Variants in SP140 observed in about 807,000 individuals in gnomAD.
The protein encoded by SP140 is SP140 nuclear body protein.
Under a neutral mutation model 125.0 loss-of-function variants are expected in SP140, and 81 were observed. That is an observed-to-expected ratio of 0.65 (90% CI 0.54 to 0.78). The LOEUF (loss-of-function observed/expected upper bound fraction) is 0.78, where lower values mean the gene tolerates loss of function less well. SP140 is among the 30% of genes least tolerant of loss of function. SP140 has a pLI of 0.00. For missense variants in SP140, 858 were observed against 1,037.0 expected (o/e 0.83, Z 2.37); for synonymous variants, 312 against 354.0 (o/e 0.88, Z 1.33).
chr2:230,265,531 T>G (rs1669577051), intron 12 of SP140, among the ~76,000 whole-genome samples: 1 of 152,154 alleles, frequency 6.6e-6, no homozygotes, highest in South Asian at 2.1e-4. Flanking sequence ...CTGTGTAGTT[T>G]TACCCCCTGC....
chr2:230,203,174 A>T (rs1327757278), exon 1 of SP140: 4 of 194,444 alleles, frequency 2.1e-5, no homozygotes, highest in Non-Finnish European at 3.2e-5. Flanking sequence ...GCAAGGTATT[A>T]AAAAAACTGA....
chr2:230,285,336 A>G (rs1184046854), intron 16 of SP140, among the ~76,000 whole-genome samples: 1 of 152,190 alleles, frequency 6.6e-6, no homozygotes, highest in Non-Finnish European at 1.5e-5. Context: ...TTAGAGTCCT[A>G]TTGAAAGTTA....
chr2:230,265,549 C>T (rs1319397395), intron 12 of SP140, among the ~76,000 whole-genome samples: 2 of 152,146 alleles, frequency 1.3e-5, no homozygotes, highest in East Asian at 1.9e-4. Flanking sequence ...TGCTCCTCTC[C>T]CATTGGGTCC....
chr2:230,309,677 T>G (rs180714751), intron 22 of SP140, among the ~76,000 whole-genome samples: 61 of 152,372 alleles, frequency 4.0e-4, no homozygotes, highest in African/African-American at 1.3e-3. Context: ...TAGTCTTTCT[T>G]CATTACAATC....
intron 15 of SP140, among the ~76,000 whole-genome samples, chr2:230,273,188 C>T (rs1001121654): frequency 2.0e-5 from 3 of 152,156 alleles, no homozygotes; most frequent in African/African-American, 7.2e-5. Flanking sequence ...TTTTTGCAAA[C>T]TATGCATCTG....
chr2:230,206,615 A>ATATG (rs1354034823), intron 1 of SP140, among the ~76,000 whole-genome samples: 1 of 78,148 alleles, frequency 1.3e-5, no homozygotes, highest in African/African-American at 3.9e-5. Flanking sequence ...ATATATATAT[A>ATATG]TATATATATA....
intron 1 of SP140, chr2:230,212,792 A>G: frequency 6.2e-7 from 1 of 1,614,170 alleles, no homozygotes; most frequent in Non-Finnish European, 8.5e-7. Context: ...GGATGAGTGC[A>G]GGGAGAGGCA....
chr2:230,292,749 T>C lies in SP140; in HGVS notation c.1929T>C (p.Ser643=). Residue 643 remains serine, a synonymous_variant, in exon 20 of 27, where the codon AGT becomes AGC. Coordinates refer to ENST00000392045, the MANE Select transcript of SP140 (RefSeq NM_007237.5). ...CAAGATCAAAGAACTGGAGGCTGAG[T>C]GTGCGCTGTGGCGGGTGGCCCCTAC... is the stretch of plus-strand genomic sequence containing the variant. ...GHARSKNWRL[S]VRCGGWPLRW... is the part of the protein sequence containing the mutation. 1.2e-6 allele frequency: 2 copies of C among 1,614,158 alleles called. No homozygotes were observed. Among genetic ancestry groups the C allele is most frequent in the Non-Finnish European group, 8.5e-7 (1 of 1,180,028 alleles).
At chr2:230,201,111 T>G (rs910525236), upstream of SP140, 17 of 728,228 alleles carry the variant, frequency 2.3e-5, no homozygotes, top group African/African-American at 3.0e-4. Flanking sequence ...ACCAAGAGAT[T>G]TGGTGCTGCT....
chr2:230,204,881 A>G (rs905292862), intron 1 of SP140, among the ~76,000 whole-genome samples: 1 of 152,172 alleles, frequency 6.6e-6, no homozygotes, highest in Admixed American at 6.5e-5. Context: ...GCATCCAAAG[A>G]GAATAGCACA....
intron 23 of SP140, chr2:230,310,460 G>C (rs955315710): frequency 1.5e-6 from 1 of 669,346 alleles, no homozygotes; most frequent in African/African-American, 1.8e-5. Context: ...AGGCCTGACA[G>C]ACAGGGTTCC....
chr2:230,253,193 G>A, intron 10 of SP140, 123 bp from the exon 11 acceptor site: 1 of 698,670 alleles, frequency 1.4e-6, no homozygotes. Context: ...GAAGGAGAAA[G>A]AGGAGATGTA....
chr2:230,233,939 C>T (rs2047616204), intron 1 of SP140, among the ~76,000 whole-genome samples: 1 of 152,164 alleles, frequency 6.6e-6, no homozygotes, highest in African/African-American at 2.4e-5. Context: ...CTTGGTGACA[C>T]CTGAAAGGGT....
At chr2:230,297,090 A>G (rs1227718751) in intron 21 of SP140, among the ~76,000 whole-genome samples, 1 of 152,268 alleles carries the variant, frequency 6.6e-6, no homozygotes, top group Non-Finnish European at 1.5e-5. Context: ...ACTCTGCTGT[A>G]GCAGCCCAGA....
intron 1 of SP140, among the ~76,000 whole-genome samples, chr2:230,203,955 C>G (rs1424743463): frequency 6.6e-6 from 1 of 152,020 alleles, no homozygotes; most frequent in Non-Finnish European, 1.5e-5. Flanking sequence ...ATTTTAATAC[C>G]ATTGAGCTAT....
At chr2:230,307,862 C>T (rs1453246919) in intron 22 of SP140, among the ~76,000 whole-genome samples, 1 of 150,306 alleles carries the variant, frequency 6.7e-6, no homozygotes, top group Non-Finnish European at 1.5e-5. Flanking sequence ...AGGTTTCTGG[C>T]AAGAAAAAGC....
chr2:230,230,637 T>C (rs1574885522), intron 1 of SP140: 1 of 152,298 alleles, frequency 6.6e-6, no homozygotes, highest in East Asian at 1.9e-4. Context: ...AAGGACAGCT[T>C]GTGAGGTTAG....
chr2:230,258,729 T>C (rs868414576), intron 12 of SP140, among the ~76,000 whole-genome samples: 5 of 152,234 alleles, frequency 3.3e-5, no homozygotes, highest in East Asian at 1.9e-4. Flanking sequence ...GGCCGAAGAT[T>C]CATTTGATGA....
At chr2:230,281,287 C>T in intron 15 of SP140, among the ~76,000 whole-genome samples, 1 of 152,208 alleles carries the variant, frequency 6.6e-6, no homozygotes, top group East Asian at 1.9e-4. Flanking sequence ...ATGCATTTCT[C>T]TATCCACTCA....
Sources: allele counts gnomAD v4.1 joint callset (sites outside exome capture counted in the v4.1 genomes callset), GRCh38; gene constraint gnomAD v4.1.1; transcripts MANE v1.5; gene names NCBI Gene and HGNC (gene_info 2026-07-23, HGNC 2026-07-21).